The following WWP2 variants were observed in gnomAD, a reference collection of about 807,000 sequenced individuals.
The protein encoded by WWP2 is WW domain containing E3 ubiquitin protein ligase 2, also known as NEDD4-like E3 ubiquitin-protein ligase WWP2.
In WWP2, 57 loss-of-function variants were observed where a neutral mutation model predicts 121.0. That is an observed-to-expected ratio of 0.47 (90% CI 0.38 to 0.59). The LOEUF is 0.59. Among genes scored for constraint, WWP2 ranks in the 20% least tolerant of loss-of-function variants. The pLI is 0.00. For synonymous variants in WWP2, 449 were observed against 441.3 expected, an observed-to-expected ratio of 1.02 and a Z score of -0.22; for missense variants, 962 against 1,158.9, an observed-to-expected ratio of 0.83 and a Z score of 2.47.
At chr16:69,903,571 A>G (rs9929073) in intron 8 of WWP2, among the ~76,000 whole-genome samples, 5,782 of 152,170 alleles carry the variant, frequency 0.038, 316 homozygotes, top group African/African-American at 0.12. Context: ...GATCGAGACC[A>G]TCCTGGCCAA....
At chr16:69,901,145 C>G (rs1442692444) in intron 8 of WWP2, among the ~76,000 whole-genome samples, 1 of 152,122 alleles carries the variant, frequency 6.6e-6, no homozygotes. Flanking sequence ...CTGAAAACAT[C>G]CCTACAGAAG....
At chr16:69,826,267 C>A (rs1187351583) in intron 4 of WWP2, among the ~76,000 whole-genome samples, 6 of 133,382 alleles carry the variant, frequency 4.5e-5, no homozygotes, top group African/African-American at 5.5e-5. Flanking sequence ...AACTCCGTCT[C>A]AAAAAAAAAA....
rs544206669 is a variant in WWP2, at chr16:69,894,286, G to T, written c.914+6037G>T. 1.4e-3 allele frequency among the ~76,000 whole-genome samples: 207 copies of T among 143,242 alleles called. 1 individual carries two copies. The highest frequency in any genetic ancestry group is 5.0e-3 in the African/African-American group (192 of 38,114). The allele number at this position is 143,242 out of a possible 152,430, so 94.0% of individuals were successfully genotyped here. A position where few individuals can be genotyped will look rare whatever the true frequency, so the allele number is the denominator to read the frequency against. ...GTAGAGATGAGGGTCTCACTCTGTT[G>T]CCCATGCGGATCTCAAACTCCTGGG... On this transcript the variant is annotated intron_variant, in intron 8 of 23. Transcript: ENST00000359154.
chr16:69,912,917 A>C (rs2058403544), intron 9 of WWP2, among the ~76,000 whole-genome samples: 2 of 548 alleles, frequency 3.6e-3, no homozygotes, highest in South Asian at 0.071. Flanking sequence ...ACCAGTCTCT[A>C]CAAAACAAAA....
chr16:69,795,491 G>C (rs576227984), intron 2 of WWP2, among the ~76,000 whole-genome samples: 1 of 151,958 alleles, frequency 6.6e-6, no homozygotes, highest in Non-Finnish European at 1.5e-5. Context: ...CACAGATGTG[G>C]AACATTTTCG....
intron 1 of WWP2, among the ~76,000 whole-genome samples, chr16:69,778,190 A>ATTT (rs1343790913): frequency 0.062 from 6,362 of 103,402 alleles, 530 homozygotes; most frequent in African/African-American, 0.23. Flanking sequence ...ATATATATAT[A>ATTT]TATTTTTTTT....
chr16:69,771,067 G>A (rs1446213546), intron 1 of WWP2, among the ~76,000 whole-genome samples: 3 of 151,850 alleles, frequency 2.0e-5, no homozygotes, highest in Non-Finnish European at 4.4e-5. Flanking sequence ...TAAGTAACTT[G>A]CTCTGGATCA....
chr16:69,786,481 C>T (rs138189714), intron 1 of WWP2, among the ~76,000 whole-genome samples: 1,421 of 102,846 alleles, frequency 0.014, 19 homozygotes, highest in Non-Finnish European at 0.017. Context: ...GATGGAGTTT[C>T]GCTCTTGTCA....
intron 11 of WWP2, among the ~76,000 whole-genome samples, chr16:69,928,711 A>G (rs1461446508): frequency 6.6e-6 from 1 of 152,114 alleles, no homozygotes; most frequent in African/African-American, 2.4e-5. Flanking sequence ...GGAGTTCGAG[A>G]CCAGCCAGGA....
chr16:69,935,290 T>C lies in WWP2; in HGVS notation c.1843-563T>C, dbSNP rs1015404682. Among the ~76,000 whole-genome samples the C allele has an allele frequency of 2.0e-5, 3 of 152,176 alleles. No homozygotes were observed. The highest frequency in any genetic ancestry group is 2.9e-5 in the Non-Finnish European group (2 of 68,032). ...GCCCTTCCCATCGTCGAGGAGTTCT[T>C]GGCCAAGGTGCTGGGCTCTGGAAAT... On this transcript the variant is annotated intron_variant, in intron 17 of 23. Transcript: ENST00000359154. The surrounding 1 kb of genome is among the most constrained non-coding windows in gnomAD (Gnocchi z 5.2).
intron 8 of WWP2, among the ~76,000 whole-genome samples, chr16:69,892,200 T>G (rs2058039267): frequency 6.6e-6 from 1 of 152,208 alleles, no homozygotes; most frequent in African/African-American, 2.4e-5. Context: ...GATTTTTCTT[T>G]TAATTATACT....
At chr16:69,805,852 A>G (rs1035728298) in intron 4 of WWP2, among the ~76,000 whole-genome samples, 1 of 148,518 alleles carries the variant, frequency 6.7e-6, no homozygotes, top group African/African-American at 2.5e-5. Context: ...TCAAATATCT[A>G]TTAAGCAGCC....
At chr16:69,819,191 C>T (rs911282446) in intron 4 of WWP2, among the ~76,000 whole-genome samples, 1 of 152,200 alleles carries the variant, frequency 6.6e-6, no homozygotes, top group Non-Finnish European at 1.5e-5. Context: ...ACTGTTATTG[C>T]AAAGGCCTCT....
At chr16:69,778,519 G>C (rs1037602127) in intron 1 of WWP2, among the ~76,000 whole-genome samples, 27 of 152,058 alleles carry the variant, frequency 1.8e-4, no homozygotes, top group Non-Finnish European at 3.8e-4. Context: ...GGTTTCCTAA[G>C]CTTCTTGTAG....
chr16:69,823,075 G>A (rs2056622424), intron 4 of WWP2, among the ~76,000 whole-genome samples: 1 of 152,168 alleles, frequency 6.6e-6, no homozygotes, highest in African/African-American at 2.4e-5. Context: ...AGATTGCAGT[G>A]AGCCAAGATC....
chr16:69,799,352 G>A lies in WWP2; in HGVS notation c.340+57G>A. ...TCTTGGGTGGGGATGGGAGGACCTGGCAGATCAACCTGGTATTGCAATTTC... is the reference window on the plus strand; with the variant it reads ...TCTTGGGTGGGGATGGGAGGACCTGACAGATCAACCTGGTATTGCAATTTC... On this transcript the variant is annotated intron_variant, in intron 4 of 23. Transcript: ENST00000359154. This position sits in a 1 kb window ranked among gnomAD's most constrained non-coding sequence, Gnocchi z 4.5. The A allele has an allele frequency of 6.3e-7, 1 of 1,586,750 alleles. No homozygotes were observed. Among genetic ancestry groups the A allele is most frequent in the Non-Finnish European group, 8.6e-7 (1 of 1,165,506 alleles).
In WWP2 at chr16:69,917,515, A is replaced by G. The variant is rs557056285; in HGVS notation, c.1005-194A>G. On this transcript the variant is annotated intron_variant, in intron 9 of 23. Transcript: ENST00000359154. ...CCAGAACCACATGGATCCCCAAATTAGAAATTGAGAGCTAATGGCAAGGAG... is the reference window on the plus strand; with the variant it reads ...CCAGAACCACATGGATCCCCAAATTGGAAATTGAGAGCTAATGGCAAGGAG... 140 of 524,196 alleles carry G rather than the reference A, an allele frequency of 2.7e-4. No homozygotes were observed. The East Asian group carries it at 4.2e-3, about 16-fold the overall frequency. 32.5% of individuals were successfully genotyped at this position (524,196 alleles called of 1,614,324 possible). A position where few individuals can be genotyped will look rare whatever the true frequency, so the allele number is the denominator to read the frequency against.
intron 5 of WWP2, among the ~76,000 whole-genome samples, chr16:69,841,302 C>T (rs1299629145): frequency 2.6e-5 from 4 of 152,120 alleles, no homozygotes; most frequent in African/African-American, 9.7e-5. Flanking sequence ...GATTCCTGTA[C>T]TTTGTTGGGG....
At chr16:69,914,071 C>CAAAAAAAAAAA (rs34269202) in intron 9 of WWP2, among the ~76,000 whole-genome samples, 2 of 32,210 alleles carry the variant, frequency 6.2e-5, no homozygotes, top group Non-Finnish European at 1.1e-4. Context: ...GACTCTGTCT[C>CAAAAAAAAAAA]AAAAAAAAAA....
Sources: allele counts gnomAD v4.1 joint callset (sites outside exome capture counted in the v4.1 genomes callset), GRCh38; gene constraint gnomAD v4.1.1; non-coding constraint Gnocchi (gnomAD v3.1); transcripts MANE v1.5; gene names NCBI Gene and HGNC (gene_info 2026-07-23, HGNC 2026-07-21).